WNT3: variants seen among roughly 807,000 people sequenced by gnomAD.
WNT3 encodes the protein Wnt family member 3, also known as proto-oncogene Wnt-3.
In WNT3, 7 loss-of-function variants were observed where a neutral mutation model predicts 34.2. The observed-to-expected ratio is 0.20, with a 90% CI of 0.12 to 0.38. The LOEUF is 0.38. Ranked by LOEUF, WNT3 falls within the 10% of genes least tolerant of loss-of-function variation. The probability of loss-of-function intolerance (pLI) is 1.00; values close to 1 mark genes in which losing one functional copy is unlikely to be tolerated. For synonymous variants in WNT3, 212 were observed against 211.5 expected, an observed-to-expected ratio of 1.00 and a Z score of -0.02; for missense variants, 267 against 499.8, an observed-to-expected ratio of 0.53 and a Z score of 4.44.
intron 1 of WNT3, among the ~76,000 whole-genome samples, chr17:46,811,218 C>T (rs536141396): frequency 8.6e-5 from 10 of 116,232 alleles, no homozygotes; most frequent in South Asian, 2.3e-4. Context: ...TTGGGATTCA[C>T]GGCTGCGATG....
Position 46,801,238 on chromosome 17 carries a change from G to A in WNT3, c.80+17280C>T, listed in dbSNP as rs150609575. ...CCCATGTTGGGGTTGGGAGAGGAGC[G>A]GGTGCAGGGCGGCAGGGGCCAGGCT... On this transcript the variant is annotated intron_variant, in intron 1 of 4. Coordinates refer to ENST00000225512, the MANE Select transcript of WNT3 (RefSeq NM_030753.5). 3.6e-3 allele frequency among the ~76,000 whole-genome samples: 552 copies of A among 152,302 alleles called. 2 individuals are homozygous for A. The highest frequency in any genetic ancestry group is 0.013 in the African/African-American group (525 of 41,550).
chr17:46,774,942 C>T (rs138830153), intron 1 of WNT3, among the ~76,000 whole-genome samples: 4 of 152,266 alleles, frequency 2.6e-5, no homozygotes, highest in African/African-American at 9.6e-5. Flanking sequence ...AAGAAGGGGC[C>T]CATCTCCTCT....
intron 1 of WNT3, among the ~76,000 whole-genome samples, chr17:46,815,859 C>G (rs1055245156): frequency 2.0e-5 from 3 of 152,176 alleles, no homozygotes; most frequent in African/African-American, 7.2e-5. Flanking sequence ...GCCCACCAAA[C>G]ACCCAAGCTC....
In WNT3 at chr17:46,762,537, T is replaced by A. The variant is rs929243182; in HGVS notation, c.*2093A>T. ...GTTTGTTTACCTTCTCTTTAATGAC[T>A]TAACAGAAAAAAACTGCATGATGAA... is the stretch of plus-strand genomic sequence containing the variant. On this transcript the variant is annotated 3_prime_UTR_variant, in exon 5 of 5. Coordinates refer to ENST00000225512, the MANE Select transcript of WNT3 (RefSeq NM_030753.5). The A allele has an allele frequency of 6.6e-6, 1 of 151,630 alleles. No homozygotes were observed. Among genetic ancestry groups the A allele is most frequent in the Non-Finnish European group, 1.5e-5 (1 of 67,956 alleles). The allele number at this position is 151,630 out of a possible 1,614,324, so 9.4% of individuals were successfully genotyped here.
chr17:46,808,732 C>T (rs1028947171), intron 1 of WNT3, among the ~76,000 whole-genome samples: 10 of 152,078 alleles, frequency 6.6e-5, no homozygotes, highest in Admixed American at 5.9e-4. Flanking sequence ...ACTTAAGCAT[C>T]GTGTGAACTG....
intron 1 of WNT3, among the ~76,000 whole-genome samples, chr17:46,784,296 T>G (rs532575004): frequency 2.0e-5 from 3 of 152,152 alleles, no homozygotes; most frequent in African/African-American, 7.2e-5. Context: ...GCAAAGCAGC[T>G]TTGGGAACAA....
chr17:46,769,062 A>T (rs1277005799), intron 3 of WNT3, among the ~76,000 whole-genome samples: 1 of 152,216 alleles, frequency 6.6e-6, no homozygotes, highest in Non-Finnish European at 1.5e-5. Flanking sequence ...CGCGGTGGTA[A>T]TCCCAGCACC....
intron 1 of WNT3, among the ~76,000 whole-genome samples, chr17:46,808,638 C>T (rs769249362): frequency 4.6e-5 from 7 of 152,174 alleles, no homozygotes; most frequent in Non-Finnish European, 1.0e-4. Flanking sequence ...CAGCACATAG[C>T]ACATGGTCAA....
At chr17:46,807,342 T>TGTG (rs1489695812) in intron 1 of WNT3, among the ~76,000 whole-genome samples, 1 of 151,982 alleles carries the variant, frequency 6.6e-6, no homozygotes, top group Non-Finnish European at 1.5e-5. Flanking sequence ...ATTAGCTGGG[T>TGTG]GTGGTGGCGC....
chr17:46,796,969 G>A (rs2084061804), intron 1 of WNT3, among the ~76,000 whole-genome samples: 1 of 152,168 alleles, frequency 6.6e-6, no homozygotes, highest in Admixed American at 6.5e-5. Context: ...CAAACTGACT[G>A]AAATAGGCAG....
At chr17:46,777,432 A>C (rs9904862) in intron 1 of WNT3, among the ~76,000 whole-genome samples, 2,211 of 152,286 alleles carry the variant, frequency 0.015, 53 homozygotes, top group African/African-American at 0.051. Context: ...GGGTCTTCGC[A>C]GCCCAGCAGA....
At chr17:46,799,999 A>G (rs1464856237) in intron 1 of WNT3, among the ~76,000 whole-genome samples, 1 of 152,068 alleles carries the variant, frequency 6.6e-6, no homozygotes, top group East Asian at 1.9e-4. Flanking sequence ...TTCCTGGGAG[A>G]TCACAGAGTG....
chr17:46,803,524 G>A (rs2084153355), intron 1 of WNT3, among the ~76,000 whole-genome samples: 1 of 152,196 alleles, frequency 6.6e-6, no homozygotes, highest in Non-Finnish European at 1.5e-5. Flanking sequence ...GCAAGACTAT[G>A]TCTCAAGAAA....
chr17:46,780,970 G>A (rs1038977158), intron 1 of WNT3, among the ~76,000 whole-genome samples: 3 of 151,796 alleles, frequency 2.0e-5, no homozygotes, highest in Admixed American at 6.6e-5. Context: ...GTGTGGTGGC[G>A]GTAATGCCAG....
intron 4 of WNT3, among the ~76,000 whole-genome samples, chr17:46,765,384 C>T (rs2059303405): frequency 6.6e-6 from 1 of 152,218 alleles, no homozygotes; most frequent in Non-Finnish European, 1.5e-5. Context: ...AAATCTGGCA[C>T]TTGTAAGGCA....
In WNT3 at chr17:46,768,223, A is replaced by G. The variant is rs1487450262; in HGVS notation, c.*8+89T>C. 6.4e-6 allele frequency: 10 copies of G among 1,571,976 alleles called. No individual in the cohort carries two copies. Among genetic ancestry groups the G allele is most frequent in the Non-Finnish European group, 7.8e-6 (9 of 1,158,016 alleles). On this transcript the variant is annotated intron_variant, in intron 4 of 4. Coordinates refer to ENST00000225512, the MANE Select transcript of WNT3 (RefSeq NM_030753.5). The surrounding 1 kb of genome is among the most constrained non-coding windows in gnomAD (Gnocchi z 5.0). The stretch of plus-strand genomic sequence containing the variant: ...TGTGTCTTGGATAGCTTAGAAACAG[A>G]AGGGGGTCGTCAAGAAGACGAGATG...
At chr17:46,765,285 G>A (rs1360765988) in intron 4 of WNT3, among the ~76,000 whole-genome samples, 1 of 152,194 alleles carries the variant, frequency 6.6e-6, no homozygotes, top group Non-Finnish European at 1.5e-5. Context: ...AACAGATCCA[G>A]GACTTGGGCG....
At chr17:46,780,631 C>A (rs1350408264) in intron 1 of WNT3, among the ~76,000 whole-genome samples, 2 of 152,092 alleles carry the variant, frequency 1.3e-5, no homozygotes, top group Non-Finnish European at 1.5e-5. Flanking sequence ...AAAAAATTAG[C>A]CGGGCGTGGT....
chr17:46,769,025 C>G (rs1017377228), intron 3 of WNT3, among the ~76,000 whole-genome samples: 1 of 152,164 alleles, frequency 6.6e-6, no homozygotes, highest in African/African-American at 2.4e-5. Flanking sequence ...CTTCTCACAG[C>G]GCATGAAATA....
Sources: allele counts gnomAD v4.1 joint callset (sites outside exome capture counted in the v4.1 genomes callset), GRCh38; gene constraint gnomAD v4.1.1; non-coding constraint Gnocchi (gnomAD v3.1); transcripts MANE v1.5; gene names NCBI Gene and HGNC (gene_info 2026-07-23, HGNC 2026-07-21).